The following NTN4 variants were observed in gnomAD, a reference collection of about 807,000 sequenced individuals.
NTN4 encodes netrin-4.
A neutral mutation model predicts 73.6 loss-of-function variants in NTN4; 32 were observed. That is an observed-to-expected ratio of 0.44 (90% CI 0.33 to 0.58). NTN4 has a LOEUF of 0.58. Ranked by LOEUF, NTN4 falls within the 20% of genes least tolerant of loss-of-function variation. The pLI is 0.04. For synonymous variants in NTN4, 258 were observed against 287.5 expected, an observed-to-expected ratio of 0.90 and a Z score of 1.04; for missense variants, 654 against 798.3, an observed-to-expected ratio of 0.82 and a Z score of 2.18.
intron 3 of NTN4, among the ~76,000 whole-genome samples, chr12:95,732,051 C>T (rs2078740982): frequency 6.6e-6 from 1 of 151,964 alleles, no homozygotes; most frequent in South Asian, 2.1e-4. Context: ...GTGCTAAAAC[C>T]GAAAACTAAT....
intron 2 of NTN4, among the ~76,000 whole-genome samples, chr12:95,757,169 T>A (rs1193247719): frequency 6.6e-6 from 1 of 152,200 alleles, no homozygotes; most frequent in Non-Finnish European, 1.5e-5. Flanking sequence ...AGTTAACACA[T>A]ATTTGTTGAA....
At chr12:95,681,956 A>G (rs530840897) in intron 7 of NTN4, among the ~76,000 whole-genome samples, 10 of 151,596 alleles carry the variant, frequency 6.6e-5, no homozygotes, top group Admixed American at 5.3e-4. Context: ...AGGAGTTCAC[A>G]TCTAGCTTTT....
intron 2 of NTN4, among the ~76,000 whole-genome samples, chr12:95,769,266 C>T (rs544244675): frequency 2.8e-4 from 42 of 152,034 alleles, no homozygotes; most frequent in East Asian, 2.7e-3. Context: ...AACAGAAGGA[C>T]AGGGGGCAGT....
rs533963865 is a variant in NTN4 at position 95,750,393 on chromosome 12, C to T, written c.586-12249G>A. Among the ~76,000 whole-genome samples the T allele has an allele frequency of 5.3e-5, 8 of 152,214 alleles. No individual in the cohort carries two copies. The East Asian group carries it at 1.5e-3, about 29-fold the overall frequency. Reference sequence around the variant, plus strand: ...TCCTTCTACTCCCTTGGCCTGTGTTCTCAAAAACTTAAAACCTCTTCAACT... The same window carrying T: ...TCCTTCTACTCCCTTGGCCTGTGTTTTCAAAAACTTAAAACCTCTTCAACT... On this transcript the variant is annotated intron_variant, in intron 2 of 9. Transcript: ENST00000343702.
chr12:95,784,521 C>A (rs564697194), intron 2 of NTN4, among the ~76,000 whole-genome samples: 4 of 152,312 alleles, frequency 2.6e-5, no homozygotes, highest in South Asian at 2.1e-4. Flanking sequence ...GTAATCCCAG[C>A]ACTTTGGCAG....
intron 2 of NTN4, among the ~76,000 whole-genome samples, chr12:95,765,796 A>G (rs936335419): frequency 3.9e-5 from 6 of 152,234 alleles, no homozygotes; most frequent in African/African-American, 1.4e-4. Context: ...TATATGCTTT[A>G]TCTTAGTCTT....
chr12:95,718,339 G>A (rs1004908743), intron 3 of NTN4, among the ~76,000 whole-genome samples: 1 of 152,136 alleles, frequency 6.6e-6, no homozygotes, highest in African/African-American at 2.4e-5. Flanking sequence ...CAATCATGTG[G>A]TTGAGTTTGA....
At chr12:95,735,820 T>A (rs929895405) in intron 3 of NTN4, among the ~76,000 whole-genome samples, 4 of 152,098 alleles carry the variant, frequency 2.6e-5, no homozygotes, top group Non-Finnish European at 4.4e-5. Context: ...AAAGTGTTGT[T>A]AACTCTGAAA....
At chr12:95,698,167 C>G (rs977141513) in intron 5 of NTN4, among the ~76,000 whole-genome samples, 42 of 152,244 alleles carry the variant, frequency 2.8e-4, no homozygotes, top group African/African-American at 9.6e-4. Flanking sequence ...CTCGAGGATA[C>G]TGTGGATGGA....
intron 5 of NTN4, among the ~76,000 whole-genome samples, chr12:95,694,755 T>C (rs1281210510): frequency 6.6e-6 from 1 of 152,218 alleles, no homozygotes; most frequent in Non-Finnish European, 1.5e-5. Context: ...GGAACATTTT[T>C]CTATTGATCC....
chr12:95,710,401 T>C (rs2078555469), intron 5 of NTN4, 40 bp downstream of exon 5: 1 of 1,545,438 alleles, frequency 6.5e-7, no homozygotes, highest in Non-Finnish European at 8.9e-7. Flanking sequence ...TCATCTCTTG[T>C]ACAAATCAGC....
chr12:95,662,229 TTC>T (rs2120909837), intron 9 of NTN4, among the ~76,000 whole-genome samples: 1 of 51,730 alleles, frequency 1.9e-5, no homozygotes, highest in Admixed American at 2.7e-4. Context: ...TTCTTCCTTT[TTC>T]TTTCTTTTTT....
chr12:95,724,939 G>A (rs1300630577), intron 3 of NTN4, among the ~76,000 whole-genome samples: 4 of 150,642 alleles, frequency 2.7e-5, no homozygotes, highest in Non-Finnish European at 5.9e-5. Context: ...GACAGAATAG[G>A]GAACAGAACT....
At chr12:95,787,657 C>T (rs1005656265) in intron 1 of NTN4, among the ~76,000 whole-genome samples, 189 bp from the exon 2 acceptor site, 6 of 152,048 alleles carry the variant, frequency 3.9e-5, no homozygotes, top group South Asian at 2.1e-4. Flanking sequence ...ACAATGCATT[C>T]GTGTATGCGT....
At chr12:95,691,585 G>C (rs145390982) in intron 5 of NTN4, among the ~76,000 whole-genome samples, 2 of 151,948 alleles carry the variant, frequency 1.3e-5, no homozygotes, top group Non-Finnish European at 2.9e-5. Context: ...TAGTAGAGAC[G>C]GGGTTTTGCC....
Position 95,683,577 on chromosome 12 carries a change from A to G in NTN4, c.1315T>C (p.Trp439Arg), listed in dbSNP as rs1242148035. The stretch of plus-strand genomic sequence containing the variant: ...CGACAGCCATAGTCTCCGAAGCCCC[A>G]GTATCCCACCATGCACCTGTCACAA... ...RRCDRCMVGY[W>R]GFGDYGCRPC... is the part of the protein sequence containing the mutation. Residue 439 changes from tryptophan to arginine, a missense_variant, in exon 6 of 10, where the codon TGG becomes CGG. Physicochemically the swap from Trp to Arg is moderately radical, Grantham distance 101. Transcript: ENST00000343702. 19 of 1,614,214 alleles carry G rather than the reference A, an allele frequency of 1.2e-5. No individual in the cohort carries two copies. The highest frequency in any genetic ancestry group is 1.5e-5 in the Non-Finnish European group (18 of 1,180,030).
intron 5 of NTN4, among the ~76,000 whole-genome samples, chr12:95,694,598 CT>C (rs889198639): frequency 2.0e-5 from 3 of 151,942 alleles, no homozygotes; most frequent in Non-Finnish European, 4.4e-5. Context: ...GATCTTTTAT[CT>C]TTTTTTTCTT....
chr12:95,751,024 C>A (rs1478475318), intron 2 of NTN4, among the ~76,000 whole-genome samples: 1 of 152,206 alleles, frequency 6.6e-6, no homozygotes, highest in African/African-American at 2.4e-5. Flanking sequence ...TATAAAAACC[C>A]AGCCCAGTTC....
rs1034818515 is a variant in NTN4 at position 95,672,452 on chromosome 12, A to G, written c.1511-2306T>C. 8.2e-6 allele frequency: 12 copies of G among 1,465,390 alleles called. No homozygotes were observed. The African/African-American group carries it at 1.3e-4, about 15-fold the overall frequency. 90.8% of individuals were successfully genotyped at this position (1,465,390 alleles called of 1,614,324 possible). A position where few individuals can be genotyped will look rare whatever the true frequency, so the allele number is the denominator to read the frequency against. ...GGGCAGGCGCTGCTAGATGTTGGCT[A>G]TGAGTTTGACATCTGCTTCACCTCA... On this transcript the variant is annotated intron_variant, in intron 7 of 9. Transcript: ENST00000343702.
Sources: allele counts gnomAD v4.1 joint callset (sites outside exome capture counted in the v4.1 genomes callset), GRCh38; gene constraint gnomAD v4.1.1; transcripts MANE v1.5; gene names NCBI Gene and HGNC (gene_info 2026-07-23, HGNC 2026-07-21).